Variants in DLGAP1 observed in about 807,000 individuals in gnomAD.
DLGAP1 encodes disks large-associated protein 1.
A neutral mutation model predicts 90.8 loss-of-function variants in DLGAP1; 11 were observed. The observed-to-expected ratio is 0.12, with a 90% CI of 0.08 to 0.20. The LOEUF (loss-of-function observed/expected upper bound fraction) is 0.20, where lower values mean the gene tolerates loss of function less well. Among genes scored for constraint, DLGAP1 ranks in the 10% least tolerant of loss-of-function variants. DLGAP1 has a pLI of 1.00. For missense variants in DLGAP1, 1,050 were observed against 1,333.8 expected (o/e 0.79, Z 3.31); for synonymous variants, 558 against 540.7 (o/e 1.03, Z -0.44).
intron 7 of DLGAP1, among the ~76,000 whole-genome samples, chr18:3,705,929 G>A (rs2061417716): frequency 6.6e-6 from 1 of 150,908 alleles, no homozygotes; most frequent in African/African-American, 2.4e-5. Flanking sequence ...AAAGTGCTGG[G>A]ATTACAGGCG....
At chr18:3,907,015 G>C (rs866168284) in intron 3 of DLGAP1, among the ~76,000 whole-genome samples, 36 of 152,290 alleles carry the variant, frequency 2.4e-4, no homozygotes, top group African/African-American at 8.2e-4. Flanking sequence ...GTTGTATTAA[G>C]TATTAAAAGT....
intron 5 of DLGAP1, among the ~76,000 whole-genome samples, chr18:3,751,884 T>TTC (rs1491097533): frequency 1.8e-5 from 2 of 114,074 alleles, no homozygotes; most frequent in South Asian, 2.7e-4. Context: ...CTTCTTCTTC[T>TTC]TTTTTTTTTT....
intron 9 of DLGAP1, among the ~76,000 whole-genome samples, chr18:3,548,861 A>G (rs990776898): frequency 3.3e-5 from 5 of 152,092 alleles, no homozygotes; most frequent in Admixed American, 3.3e-4. Context: ...ACATGGCGAA[A>G]CCCCCTCTCT....
intron 8 of DLGAP1, among the ~76,000 whole-genome samples, chr18:3,568,742 A>G (rs142090316): frequency 0.06 from 9,143 of 152,164 alleles, 360 homozygotes; most frequent in African/African-American, 0.1. Flanking sequence ...GCTGGAGTGC[A>G]GTGGCACGAT....
chr18:3,659,717 G>C (rs1044055124), intron 7 of DLGAP1, among the ~76,000 whole-genome samples: 2 of 152,000 alleles, frequency 1.3e-5, no homozygotes, highest in African/African-American at 4.8e-5. Context: ...AGGCACGCCT[G>C]ACCACACCCA....
At chr18:4,090,188 C>A (rs573398828) in intron 2 of DLGAP1, among the ~76,000 whole-genome samples, 1 of 152,240 alleles carries the variant, frequency 6.6e-6, no homozygotes, top group South Asian at 2.1e-4. Context: ...TAGGCACGGG[C>A]AAGTATTTCA....
intron 1 of DLGAP1, among the ~76,000 whole-genome samples, chr18:4,265,060 T>C (rs1261279762): frequency 6.6e-6 from 1 of 152,090 alleles, no homozygotes; most frequent in African/African-American, 2.4e-5. Context: ...TTCTCTCAAA[T>C]AATGACAGAT....
chr18:4,169,221 T>C (rs552072294), intron 1 of DLGAP1, among the ~76,000 whole-genome samples: 43 of 152,330 alleles, frequency 2.8e-4, no homozygotes, highest in African/African-American at 9.6e-4. Flanking sequence ...TGTTATATTC[T>C]GTTTTATATG....
intron 1 of DLGAP1, among the ~76,000 whole-genome samples, chr18:4,217,668 A>C (rs1488394443): frequency 3.9e-5 from 6 of 152,056 alleles, no homozygotes; most frequent in African/African-American, 1.4e-4. Context: ...GTTTTTGGTG[A>C]GATGTCTGTT....
intron 4 of DLGAP1, among the ~76,000 whole-genome samples, chr18:3,849,850 A>C (rs764759331): frequency 3.3e-5 from 5 of 152,196 alleles, no homozygotes; most frequent in Non-Finnish European, 7.3e-5. Flanking sequence ...TGAATGACAG[A>C]GCTCTTAAAT....
At chr18:3,515,298 G>A (rs971555566) in intron 10 of DLGAP1, among the ~76,000 whole-genome samples, 10 of 150,698 alleles carry the variant, frequency 6.6e-5, no homozygotes, top group South Asian at 2.1e-4. Context: ...GTGAAACCCC[G>A]TCTCTGCTAA....
chr18:4,083,083 T>G (rs1162314867), intron 2 of DLGAP1, among the ~76,000 whole-genome samples: 1 of 152,196 alleles, frequency 6.6e-6, no homozygotes. Flanking sequence ...TGATCATTTC[T>G]GCTAATGAAG....
intron 1 of DLGAP1, among the ~76,000 whole-genome samples, chr18:4,347,786 T>C (rs1485037973): frequency 6.6e-6 from 1 of 152,088 alleles, no homozygotes; most frequent in African/African-American, 2.4e-5. Context: ...TATCTATTAT[T>C]TTACTGAAAG....
intron 8 of DLGAP1, among the ~76,000 whole-genome samples, chr18:3,578,196 T>G (rs1398706388): frequency 6.6e-6 from 1 of 152,098 alleles, no homozygotes; most frequent in Non-Finnish European, 1.5e-5. Context: ...GTATTAGCTA[T>G]TGGGTATGAA....
intron 1 of DLGAP1, among the ~76,000 whole-genome samples, chr18:4,399,546 T>G (rs1274515536): frequency 6.6e-6 from 1 of 152,226 alleles, no homozygotes; most frequent in African/African-American, 2.4e-5. Flanking sequence ...ATGTCAAGTG[T>G]TATTTTTCAC....
At chr18:3,548,847 G>A (rs1032619161) in intron 9 of DLGAP1, among the ~76,000 whole-genome samples, 3 of 152,038 alleles carry the variant, frequency 2.0e-5, no homozygotes, top group African/African-American at 7.2e-5. Context: ...GACTAGCCTG[G>A]CAAACATGGC....
At chr18:4,308,081 C>T (rs993558438) in intron 1 of DLGAP1, among the ~76,000 whole-genome samples, 1 of 152,154 alleles carries the variant, frequency 6.6e-6, no homozygotes, top group African/African-American at 2.4e-5. Context: ...AATGTTACCA[C>T]AAACTGATGA....
chr18:4,395,303 A>G (rs2082416675), intron 1 of DLGAP1, among the ~76,000 whole-genome samples: 1 of 152,202 alleles, frequency 6.6e-6, no homozygotes. Context: ...CCCTATTACT[A>G]TCTCTAAAAC....
intron 1 of DLGAP1, among the ~76,000 whole-genome samples, chr18:4,391,114 A>G (rs1195727505): frequency 1.3e-5 from 2 of 152,212 alleles, no homozygotes. Context: ...AATCTCCCAG[A>G]AGAGCTTATC....
Sources: allele counts gnomAD v4.1 joint callset (sites outside exome capture counted in the v4.1 genomes callset), GRCh38; gene constraint gnomAD v4.1.1; transcripts MANE v1.5; gene names NCBI Gene and HGNC (gene_info 2026-07-23, HGNC 2026-07-21).